The following HNRNPA1L2 variants were observed in gnomAD, a reference collection of about 807,000 sequenced individuals.
HNRNPA1L2 encodes the protein heterogeneous nuclear ribonucleoprotein A1-like 2.
A neutral mutation model predicts 18.2 loss-of-function variants in HNRNPA1L2; 10 were observed. The ratio of observed to expected loss-of-function variants is 0.55; its 90% CI spans 0.34 to 0.93. The LOEUF (loss-of-function observed/expected upper bound fraction) is 0.93. Ranked by LOEUF, HNRNPA1L2 falls within the 40% of genes least tolerant of loss-of-function variation. The pLI is 0.02. For synonymous variants in HNRNPA1L2, 124 were observed against 138.6 expected (o/e 0.89, Z 0.74); for missense variants, 308 against 394.4 (o/e 0.78, Z 1.85).
the HNRNPA1L2 span, among the ~76,000 whole-genome samples, chr13:52,630,323 C>T: frequency 3.2e-4 from 49 of 152,272 alleles, no homozygotes; most frequent in South Asian, 6.2e-3. Context: ...GTCGCCCAGG[C>T]TGGAGTGAAG....
At chr13:52,624,740 T>A in the HNRNPA1L2 span, among the ~76,000 whole-genome samples, 8 of 152,240 alleles carry the variant, frequency 5.3e-5, no homozygotes, top group South Asian at 1.5e-3. Flanking sequence ...TTAAAAGTAT[T>A]CTCGAGGGGC....
chr13:52,639,536 C>T (rs188464789), upstream of HNRNPA1L2, among the ~76,000 whole-genome samples: 7 of 152,086 alleles, frequency 4.6e-5, no homozygotes, highest in East Asian at 1.2e-3. Flanking sequence ...TTGTGTTCTT[C>T]GCTATTTATT....
At chr13:52,629,633 A>G in the HNRNPA1L2 span, among the ~76,000 whole-genome samples, 1 of 152,354 alleles carries the variant, frequency 6.6e-6, no homozygotes, top group East Asian at 1.9e-4. Context: ...TTTAGAATAA[A>G]TAGAGCTGAC....
chr13:52,631,392 C>T, the HNRNPA1L2 span, among the ~76,000 whole-genome samples: 5 of 152,210 alleles, frequency 3.3e-5, no homozygotes, highest in Non-Finnish European at 7.3e-5. Context: ...AATGTCCATT[C>T]CCTTTCTCTG....
chr13:52,636,314 A>T, the HNRNPA1L2 span, among the ~76,000 whole-genome samples: 2 of 152,244 alleles, frequency 1.3e-5, no homozygotes. Flanking sequence ...ATGATGAATA[A>T]CAGATGTATT....
At chr13:52,631,897 T>C in the HNRNPA1L2 span, among the ~76,000 whole-genome samples, 1 of 152,236 alleles carries the variant, frequency 6.6e-6, no homozygotes, top group Non-Finnish European at 1.5e-5. Context: ...GATTGCTTTA[T>C]GAAAGGGAAT....
chr13:52,633,473 C>G, the HNRNPA1L2 span, among the ~76,000 whole-genome samples: 2 of 152,124 alleles, frequency 1.3e-5, no homozygotes, highest in Non-Finnish European at 2.9e-5. Flanking sequence ...TGAAGAAACT[C>G]AGTACAAATG....
chr13:52,623,672 T>TGCTTCATGAGGCACTGTCATCATA, the HNRNPA1L2 span, among the ~76,000 whole-genome samples: 11 of 152,232 alleles, frequency 7.2e-5, no homozygotes, highest in African/African-American at 2.4e-4. Flanking sequence ...TCATGATCTT[T>TGCTTCATGAGGCACTGTCATCATA]GCTTCATGAG....
chr13:52,622,466 G>A, the HNRNPA1L2 span, among the ~76,000 whole-genome samples: 7,012 of 152,192 alleles, frequency 0.046, 172 homozygotes, highest in South Asian at 0.085. Flanking sequence ...AATAACAAGA[G>A]GATATCTGTA....
At chr13:52,641,395 T>A (rs1167504938), upstream of HNRNPA1L2, 1 of 152,276 alleles carries the variant, frequency 6.6e-6, no homozygotes, top group Non-Finnish European at 1.5e-5. Flanking sequence ...GACCTCTTGA[T>A]CAATTGATAA....
At chr13:52,617,701 T>A in the HNRNPA1L2 span, 3 of 439,772 alleles carry the variant, frequency 6.8e-6, no homozygotes, top group African/African-American at 2.0e-5. Context: ...GTTCAGCACT[T>A]TTGGCTCCGC....
the HNRNPA1L2 span, among the ~76,000 whole-genome samples, chr13:52,631,179 G>C: frequency 6.6e-6 from 1 of 152,152 alleles, no homozygotes; most frequent in Non-Finnish European, 1.5e-5. Context: ...GCTTCTGTTG[G>C]AAATTGACAG....
chr13:52,625,087 T>A, the HNRNPA1L2 span, among the ~76,000 whole-genome samples: 1 of 152,000 alleles, frequency 6.6e-6, no homozygotes, highest in Non-Finnish European at 1.5e-5. Flanking sequence ...ATAGTTTTAA[T>A]TACAGGATTG....
At chr13:52,621,467 T>A in the HNRNPA1L2 span, among the ~76,000 whole-genome samples, 1 of 152,222 alleles carries the variant, frequency 6.6e-6, no homozygotes, top group Non-Finnish European at 1.5e-5. Flanking sequence ...TATGTTAAGA[T>A]CAAGGACTTG....
At chr13:52,618,704 G>T in the HNRNPA1L2 span, among the ~76,000 whole-genome samples, 1 of 152,146 alleles carries the variant, frequency 6.6e-6, no homozygotes. Flanking sequence ...ATGTCAGGGG[G>T]CATTTTAATA....
At chr13:52,638,756 T>C (rs1288261396), upstream of HNRNPA1L2, among the ~76,000 whole-genome samples, 1 of 152,192 alleles carries the variant, frequency 6.6e-6, no homozygotes, top group Non-Finnish European at 1.5e-5. Flanking sequence ...AATATATTAA[T>C]TCCAGGACTA....
chr13:52,620,703 G>A, the HNRNPA1L2 span, among the ~76,000 whole-genome samples: 1 of 152,070 alleles, frequency 6.6e-6, no homozygotes, highest in Non-Finnish European at 1.5e-5. Flanking sequence ...TTCTAAGTGG[G>A]CAGATCCCAG....
the HNRNPA1L2 span, chr13:52,617,549 G>A: frequency 9.3e-6 from 4 of 430,850 alleles, no homozygotes; most frequent in Admixed American, 1.6e-4. Context: ...ATGGCTTTAT[G>A]TCTCCGCGGT....
At chr13:52,628,652 C>G in the HNRNPA1L2 span, among the ~76,000 whole-genome samples, 3 of 152,058 alleles carry the variant, frequency 2.0e-5, no homozygotes, top group Non-Finnish European at 4.4e-5. Context: ...TCATGTGACA[C>G]TTTTATGTTT....
Sources: allele counts gnomAD v4.1 joint callset (sites outside exome capture counted in the v4.1 genomes callset), GRCh38; gene constraint gnomAD v4.1.1; transcripts MANE v1.5; gene names NCBI Gene and HGNC (gene_info 2026-07-23, HGNC 2026-07-21).